CDC73: variants seen among roughly 807,000 people sequenced by gnomAD.
The protein encoded by CDC73 is cell division cycle 73.
Under a neutral mutation model 83.7 loss-of-function variants are expected in CDC73, and 21 were observed. That is an observed-to-expected ratio of 0.25 (90% CI 0.18 to 0.36). The LOEUF (loss-of-function observed/expected upper bound fraction) is 0.36, where lower values mean the gene tolerates loss of function less well. CDC73 is among the 10% of genes least tolerant of loss of function. CDC73 has a pLI of 1.00. For synonymous variants in CDC73, 224 were observed against 212.9 expected (o/e 1.05, Z -0.45); for missense variants, 342 against 653.3 (o/e 0.52, Z 5.19).
chr1:193,192,627 C>T (rs553696816), intron 10 of CDC73, among the ~76,000 whole-genome samples: 11 of 152,200 alleles, frequency 7.2e-5, no homozygotes, highest in African/African-American at 1.9e-4. Flanking sequence ...TGCGAAGTGC[C>T]GGGGTCTGAC....
intron 15 of CDC73, among the ~76,000 whole-genome samples, chr1:193,239,545 A>C (rs950994158): frequency 6.6e-6 from 1 of 152,104 alleles, no homozygotes; most frequent in Non-Finnish European, 1.5e-5. Context: ...TGATATCTGG[A>C]TATATTTTAG....
intron 10 of CDC73, among the ~76,000 whole-genome samples, chr1:193,196,323 T>C (rs1677002960): frequency 6.6e-6 from 1 of 152,168 alleles, no homozygotes; most frequent in South Asian, 2.1e-4. Context: ...TATTTCTGGG[T>C]ATTCTAGTCC....
At chr1:193,148,270 A>G (rs958382720) in intron 8 of CDC73, among the ~76,000 whole-genome samples, 3 of 152,176 alleles carry the variant, frequency 2.0e-5, no homozygotes, top group Non-Finnish European at 4.4e-5. Context: ...GCTTGGGACA[A>G]TTGCTAACCA....
At chr1:193,213,509 G>C (rs1055026948) in intron 13 of CDC73, among the ~76,000 whole-genome samples, 4 of 152,028 alleles carry the variant, frequency 2.6e-5, no homozygotes, top group African/African-American at 9.7e-5. Context: ...AGAAAATGGA[G>C]GAATTCAAAA....
At chr1:193,170,204 A>G (rs1676496816) in intron 10 of CDC73, among the ~76,000 whole-genome samples, 1 of 152,110 alleles carries the variant, frequency 6.6e-6, no homozygotes, top group Non-Finnish European at 1.5e-5. Context: ...ATTGATGGGT[A>G]TTTAGGTTGA....
intron 15 of CDC73, among the ~76,000 whole-genome samples, chr1:193,239,452 A>G (rs1030285733): frequency 6.6e-6 from 1 of 152,202 alleles, no homozygotes; most frequent in African/African-American, 2.4e-5. Context: ...TTATAATGAA[A>G]TACATCGTTT....
chr1:193,232,847 G>A (rs1372832960), intron 13 of CDC73, 146 bp from the exon 14 acceptor site: 3 of 628,168 alleles, frequency 4.8e-6, no homozygotes, highest in East Asian at 6.2e-5. Context: ...AGGTTGCAGT[G>A]AGCCAAGATT....
intron 11 of CDC73, among the ~76,000 whole-genome samples, chr1:193,211,501 T>TA (rs1333356821): frequency 6.6e-6 from 1 of 152,200 alleles, no homozygotes; most frequent in African/African-American, 2.4e-5. Context: ...GGGAAACACT[T>TA]AATGTCTTTT....
In CDC73 at chr1:193,141,748, A is replaced by G. The variant is rs1675909819; in HGVS notation, c.513-102A>G. ...AGATAAGAAAACCTTAATTATTGCC[A>G]TGTAAGTGTTTTTACCAGAAATTTA... On this transcript the variant is annotated intron_variant, in intron 6 of 16. Transcript: ENST00000367435. 4 of 754,502 alleles carry G rather than the reference A, an allele frequency of 5.3e-6. No homozygotes were observed. In the Admixed American group the frequency reaches 6.4e-5, roughly 12 times the overall value. 46.7% of individuals were successfully genotyped at this position (754,502 alleles called of 1,614,324 possible).
intron 10 of CDC73, among the ~76,000 whole-genome samples, chr1:193,159,305 A>G (rs1377422974): frequency 2.0e-5 from 3 of 152,176 alleles, no homozygotes; most frequent in Non-Finnish European, 4.4e-5. Flanking sequence ...TTTGAGGTTT[A>G]ACTGTATCCA....
intron 10 of CDC73, among the ~76,000 whole-genome samples, chr1:193,171,231 G>A (rs1242882857): frequency 2.6e-5 from 4 of 152,194 alleles, no homozygotes; most frequent in Non-Finnish European, 5.9e-5. Context: ...GGACAAAGTA[G>A]ATACCTCTGT....
At chr1:193,129,034 G>A (rs886765883) in intron 2 of CDC73, among the ~76,000 whole-genome samples, 3 of 131,536 alleles carry the variant, frequency 2.3e-5, no homozygotes, top group Non-Finnish European at 4.6e-5. Flanking sequence ...GTCTCACTCT[G>A]TCACCCAGGC....
chr1:193,193,420 G>A (rs980095633), intron 10 of CDC73, among the ~76,000 whole-genome samples: 2 of 152,084 alleles, frequency 1.3e-5, no homozygotes, highest in African/African-American at 4.8e-5. Context: ...TTCATATGGT[G>A]TCACTCATTT....
chr1:193,240,812 C>T (rs1303139100), intron 15 of CDC73, among the ~76,000 whole-genome samples: 1 of 152,032 alleles, frequency 6.6e-6, no homozygotes, highest in Admixed American at 6.6e-5. Context: ...TTATTGTTTC[C>T]ATTGCTGTAC....
intron 2 of CDC73, among the ~76,000 whole-genome samples, chr1:193,127,105 CA>C (rs551910831): frequency 6.8e-4 from 103 of 151,734 alleles, no homozygotes; most frequent in Non-Finnish European, 1.1e-3. Context: ...TTTGTTAAAA[CA>C]AAAAATAAAA....
At chr1:193,183,423 A>G (rs114680813) in intron 10 of CDC73, among the ~76,000 whole-genome samples, 32 of 148,710 alleles carry the variant, frequency 2.2e-4, no homozygotes, top group Non-Finnish European at 1.2e-4. Flanking sequence ...ATCATCTAGT[A>G]TGCTATTTGT....
intron 2 of CDC73, among the ~76,000 whole-genome samples, chr1:193,128,322 C>T (rs748269050): frequency 4.6e-5 from 7 of 151,768 alleles, no homozygotes; most frequent in Non-Finnish European, 8.8e-5. Context: ...GAGACAGAGT[C>T]TTGCTCTGTC....
intron 7 of CDC73, among the ~76,000 whole-genome samples, chr1:193,142,423 AT>A (rs200400745): frequency 5.3e-5 from 8 of 151,672 alleles, no homozygotes; most frequent in African/African-American, 1.4e-4. Context: ...TGCCATCATT[AT>A]TTTTTTTTCT....
chr1:193,240,773 C>G (rs1276839440), intron 15 of CDC73, among the ~76,000 whole-genome samples: 1 of 152,090 alleles, frequency 6.6e-6, no homozygotes, highest in Non-Finnish European at 1.5e-5. Context: ...GATATTTTCT[C>G]CCATTCAACA....
Sources: gnomAD v4.1 joint callset for allele counts (sites outside exome capture counted in the v4.1 genomes callset) on GRCh38, gnomAD v4.1.1 for gene constraint, MANE v1.5 for transcripts, NCBI Gene and HGNC (gene_info 2026-07-23, HGNC 2026-07-21) for gene names.